The following VAV2 variants were observed in gnomAD, a reference collection of about 807,000 sequenced individuals.
VAV2 encodes guanine nucleotide exchange factor VAV2.
A neutral mutation model predicts 132.5 loss-of-function variants in VAV2; 67 were observed. The ratio of observed to expected loss-of-function variants is 0.51; its 90% CI spans 0.42 to 0.62. The LOEUF (loss-of-function observed/expected upper bound fraction) is 0.62, where lower values mean the gene tolerates loss of function less well. VAV2 is among the 20% of genes least tolerant of loss of function. VAV2 has a pLI of 0.00. For synonymous variants in VAV2, 492 were observed against 443.5 expected (o/e 1.11, Z -1.37); for missense variants, 938 against 1,153.6 (o/e 0.81, Z 2.71).
rs35894060 is a variant in VAV2 at position 133,903,160 on chromosome 9, G to A, written c.321+35943C>T. The stretch of plus-strand genomic sequence containing the variant: ...CGACAAGAATACAAAAAGAGAAGAC[G>A]CCGTCTGCAAGCCCAGGAGAGTGCC... On this transcript the variant is annotated intron_variant, in intron 2 of 29. Coordinates refer to ENST00000371850, the MANE Select transcript of VAV2 (RefSeq NM_001134398.2). Among the ~76,000 whole-genome samples the A allele has an allele frequency of 7.3e-5, 11 of 151,402 alleles. No individual in the cohort carries two copies. The East Asian group carries it at 1.7e-3, about 24-fold the overall frequency.
At position 133,763,930 on chromosome 9, in the gene VAV2, C is replaced by T; in HGVS notation, c.*132G>A. On this transcript the variant is annotated 3_prime_UTR_variant, in exon 30 of 30. Transcript: ENST00000371850. The surrounding 1 kb of genome is among the most constrained non-coding windows in gnomAD (Gnocchi z 6.8). Reference sequence around the variant, plus strand: ...CGAGTTTAGGATTCTCAACACCCTCCCTATCCCTGTGGGCAGTGGAAGACT... The same window carrying T: ...CGAGTTTAGGATTCTCAACACCCTCTCTATCCCTGTGGGCAGTGGAAGACT... The T allele has an allele frequency of 1.8e-6, 2 of 1,108,332 alleles. No individual in the cohort carries two copies. The highest frequency in any genetic ancestry group is 2.7e-6 in the Non-Finnish European group (2 of 743,076). The allele number at this position is 1,108,332 out of a possible 1,614,324, so 68.7% of individuals were successfully genotyped here.
intron 9 of VAV2, among the ~76,000 whole-genome samples, chr9:133,805,773 C>T (rs1242169358): frequency 6.6e-6 from 1 of 151,310 alleles, no homozygotes; most frequent in Non-Finnish European, 1.5e-5. Flanking sequence ...GAAGTGGGGG[C>T]CCGAGATCTC....
chr9:133,926,137 A>G lies in VAV2; in HGVS notation c.321+12966T>C, dbSNP rs1215322841. On this transcript the variant is annotated intron_variant, in intron 2 of 29. Transcript: ENST00000371850. This position sits in a 1 kb window ranked among gnomAD's most constrained non-coding sequence, Gnocchi z 4.3. ...CAAAGACCCACCCAAGAGGTCATCC[A>G]GCCAGTCCAACCAAATGGATTGATT... 1 of 152,270 alleles carries G rather than the reference A, an allele frequency of 6.6e-6. No homozygotes were observed. Among genetic ancestry groups the G allele is most frequent in the African/African-American group, 2.4e-5 (1 of 41,438 alleles). The allele number at this position is 152,270 out of a possible 1,614,324, so 9.4% of individuals were successfully genotyped here.
chr9:133,967,957 A>AC (rs1842202696), intron 1 of VAV2, among the ~76,000 whole-genome samples: 2 of 137,382 alleles, frequency 1.5e-5, no homozygotes, highest in African/African-American at 5.3e-5. Flanking sequence ...AAAAAAAAAA[A>AC]CCTAAATATC....
At chr9:133,979,515 C>T (rs73662359) in intron 1 of VAV2, among the ~76,000 whole-genome samples, 1 of 152,182 alleles carries the variant, frequency 6.6e-6, no homozygotes, top group Non-Finnish European at 1.5e-5. Flanking sequence ...CGCAGCCGTC[C>T]GGAACTCGGA....
Position 133,827,181 on chromosome 9 carries a change from C to T in VAV2, c.449+7091G>A, listed in dbSNP as rs530507436. ...GCCAATGTGCCACCTACCGCTGCGCCCACTGGGGCTGACCACTGAGCATGG... is the reference window on the plus strand; with the variant it reads ...GCCAATGTGCCACCTACCGCTGCGCTCACTGGGGCTGACCACTGAGCATGG... On this transcript the variant is annotated intron_variant, in intron 4 of 29. Coordinates refer to ENST00000371850, the MANE Select transcript of VAV2 (RefSeq NM_001134398.2). Among the ~76,000 whole-genome samples, 108 of 150,694 alleles carry T rather than the reference C, an allele frequency of 7.2e-4. 1 individual carries two copies. Among genetic ancestry groups the T allele is most frequent in the African/African-American group, 2.4e-3 (99 of 40,544 alleles).
Position 133,943,800 on chromosome 9 carries a change from G to A in VAV2, c.205-4581C>T, listed in dbSNP as rs546677666. ...CTCTGGCGCTGCAATGAGAGGCAGC[G>A]TGTAGTGTGCCCTGGAAACGTCAGC... is the stretch of plus-strand genomic sequence containing the variant. On this transcript the variant is annotated intron_variant, in intron 1 of 29. Coordinates refer to ENST00000371850, the MANE Select transcript of VAV2 (RefSeq NM_001134398.2). Among the ~76,000 whole-genome samples the A allele has an allele frequency of 1.5e-3, 229 of 152,364 alleles. 1 individual carries two copies. The highest frequency in any genetic ancestry group is 7.0e-3 in the South Asian group (34 of 4,834).
intron 1 of VAV2, among the ~76,000 whole-genome samples, chr9:133,986,128 G>A (rs899283253): frequency 1.1e-4 from 17 of 152,184 alleles, no homozygotes; most frequent in African/African-American, 4.1e-4. Flanking sequence ...CGGAAACCAA[G>A]TAACTTTACA....
chr9:133,880,872 C>T (rs62576554), intron 2 of VAV2, among the ~76,000 whole-genome samples: 2 of 152,266 alleles, frequency 1.3e-5, no homozygotes, highest in African/African-American at 4.8e-5. Context: ...TCAGCTTCTG[C>T]GGTCGGCCCT....
chr9:133,843,054 G>T (rs909584978), intron 3 of VAV2, among the ~76,000 whole-genome samples: 7 of 152,208 alleles, frequency 4.6e-5, no homozygotes, highest in Admixed American at 2.0e-4. Context: ...CAAGCCCAGG[G>T]ATCACGTTTC....
At position 133,812,173 on chromosome 9, in the gene VAV2, C is replaced by T. The variant is rs763759757; in HGVS notation, c.493G>A (p.Glu165Lys). The T allele has an allele frequency of 3.3e-5, 53 of 1,613,878 alleles. No homozygotes were observed. The highest frequency in any genetic ancestry group is 4.3e-5 in the Non-Finnish European group (51 of 1,180,010). The change falls in exon 5 of 30, where the codon GAG becomes AAG. Residue 165 changes from glutamate (E) to lysine (K), a missense_variant. Physicochemically the swap from Glu to Lys is moderately conservative, Grantham distance 56. Transcript: ENST00000371850. ...GEDIYDCVPCEDGGDDIYEDI... is the reference protein window; with the variant it reads ...GEDIYDCVPCKDGGDDIYEDI... ...TCGTAGATGTCGTCCCCTCCATCCT[C>T]ACACGGGACGCAGTCGTAGATGTCC...
intron 2 of VAV2, among the ~76,000 whole-genome samples, chr9:133,891,160 G>A (rs1838914495): frequency 6.7e-6 from 1 of 149,756 alleles, no homozygotes; most frequent in Non-Finnish European, 1.5e-5. Context: ...GGGGGACAAG[G>A]GTGCAGGGGG....
chr9:133,960,354 T>A, intron 1 of VAV2, among the ~76,000 whole-genome samples: 1 of 152,116 alleles, frequency 6.6e-6, no homozygotes, highest in East Asian at 1.9e-4. Context: ...GGCCACCTGC[T>A]CCTTGGTCTC....
rs1467402595 is a variant in VAV2, at chr9:133,918,216, T to G, written c.321+20887A>C. On this transcript the variant is annotated intron_variant, in intron 2 of 29. Transcript: ENST00000371850. The surrounding 1 kb of genome is among the most constrained non-coding windows in gnomAD (Gnocchi z 4.7). ...TTAATAGGGAAACCGTCGGAAATGCTAAAGAGGACTCGGTGCCTCCAGCTC... is the reference window on the plus strand; with the variant it reads ...TTAATAGGGAAACCGTCGGAAATGCGAAAGAGGACTCGGTGCCTCCAGCTC... 6.6e-6 allele frequency among the ~76,000 whole-genome samples: 1 copy of G among 152,212 alleles called. No homozygotes were observed. Among genetic ancestry groups the G allele is most frequent in the East Asian group, 1.9e-4 (1 of 5,202 alleles).
intron 2 of VAV2, among the ~76,000 whole-genome samples, chr9:133,927,070 C>T (rs74380249): frequency 2.0e-5 from 3 of 151,510 alleles, no homozygotes; most frequent in African/African-American, 7.3e-5. Context: ...CAGGCTGAGT[C>T]CCCCCCTACA....
rs770799513 is a variant in VAV2, at chr9:133,861,439, G to A, written c.322-7C>T. The A allele has an allele frequency of 5.6e-6, 9 of 1,612,516 alleles. No individual in the cohort carries two copies. Among genetic ancestry groups the A allele is most frequent in the East Asian group, 4.5e-5 (2 of 44,864 alleles). Reference sequence around the variant, plus strand: ...TCGACACCGCGGAGATGACCTGGGGGAGACAAGAAGAGACGCTCCTGTAAT... The same window carrying A: ...TCGACACCGCGGAGATGACCTGGGGAAGACAAGAAGAGACGCTCCTGTAAT... On this transcript the variant is annotated splice_polypyrimidine_tract_variant and splice_region_variant and intron_variant, in intron 2 of 29. Coordinates refer to ENST00000371850, the MANE Select transcript of VAV2 (RefSeq NM_001134398.2).
chr9:133,846,414 G>A (rs1181718208), intron 3 of VAV2, among the ~76,000 whole-genome samples: 8 of 152,200 alleles, frequency 5.3e-5, no homozygotes, highest in South Asian at 4.1e-4. Context: ...CAGCCCCTCG[G>A]TGGCCCTGGC....
chr9:133,940,198 G>C (rs903193053), intron 1 of VAV2, among the ~76,000 whole-genome samples: 4 of 152,196 alleles, frequency 2.6e-5, no homozygotes, highest in African/African-American at 9.7e-5. Flanking sequence ...GATTAATCAT[G>C]TGCCCTGATG....
intron 3 of VAV2, among the ~76,000 whole-genome samples, chr9:133,835,178 T>C (rs965551069): frequency 3.9e-5 from 6 of 152,202 alleles, no homozygotes; most frequent in African/African-American, 1.4e-4. Flanking sequence ...ATCTGTCTTA[T>C]GTCAATTTAA....
Sources: gnomAD v4.1 joint callset for allele counts (sites outside exome capture counted in the v4.1 genomes callset) on GRCh38, gnomAD v4.1.1 for gene constraint, Gnocchi (gnomAD v3.1) non-coding constraint, MANE v1.5 for transcripts, NCBI Gene and HGNC (gene_info 2026-07-23, HGNC 2026-07-21) for gene names.